The following YPEL1 variants were observed in gnomAD, a reference collection of about 807,000 sequenced individuals.
The protein encoded by YPEL1 is yippee like 1, also known as protein yippee-like 1.
Under a neutral mutation model 17.3 loss-of-function variants are expected in YPEL1, and 7 were observed. The observed-to-expected ratio is 0.40, with a 90% CI of 0.23 to 0.76. The LOEUF (loss-of-function observed/expected upper bound fraction) is 0.76. Ranked by LOEUF, YPEL1 falls within the 30% of genes least tolerant of loss-of-function variation. The probability of loss-of-function intolerance (pLI) is 0.35; values close to 1 mark genes in which losing one functional copy is unlikely to be tolerated. For missense variants in YPEL1, 91 were observed against 155.5 expected (o/e 0.59, Z 2.21); for synonymous variants, 59 against 59.6 (o/e 0.99, Z 0.05).
rs186293326 is a variant in YPEL1, at chr22:21,704,220, G to A, written c.118-338C>T. 498 of 714,444 alleles carry A rather than the reference G, an allele frequency of 7.0e-4. 2 individuals are homozygous for A. The highest frequency in any genetic ancestry group is 5.9e-3 in the East Asian group (218 of 37,228). The allele number at this position is 714,444 out of a possible 1,614,324, so 44.3% of individuals were successfully genotyped here. A position where few individuals can be genotyped will look rare whatever the true frequency, so the allele number is the denominator to read the frequency against. On this transcript the variant is annotated intron_variant, in intron 2 of 4. Coordinates refer to ENST00000339468, the MANE Select transcript of YPEL1 (RefSeq NM_013313.5). ...TAGAGGAGTTCTGAGAGGGGATCAC[G>A]AATGATTTTCTCTACCCGAAAACCC...
Position 21,703,605 on chromosome 22 carries a change from T to C in YPEL1, c.162-127A>G. 2.2e-6 allele frequency: 2 copies of C among 907,124 alleles called. No homozygotes were observed. The highest frequency in any genetic ancestry group is 5.2e-5 in the East Asian group (2 of 38,394). The allele number at this position is 907,124 out of a possible 1,614,324, so 56.2% of individuals were successfully genotyped here. On this transcript the variant is annotated intron_variant, in intron 3 of 4. Transcript: ENST00000339468. The surrounding 1 kb of genome is among the most constrained non-coding windows in gnomAD (Gnocchi z 6.1). ...AAACAGGGAAACTCCCAGAGAGCAG[T>C]GCCGTGCCTCTCCCCCAGCCCTGCC...
intron 1 of YPEL1, among the ~76,000 whole-genome samples, chr22:21,715,954 G>A (rs1348679631): frequency 6.6e-6 from 1 of 152,110 alleles, no homozygotes; most frequent in Non-Finnish European, 1.5e-5. Flanking sequence ...TAAAGACGGG[G>A]TTTCTCCATG....
intron 1 of YPEL1, among the ~76,000 whole-genome samples, chr22:21,722,506 C>T (rs1252507404): frequency 6.6e-6 from 1 of 151,890 alleles, no homozygotes; most frequent in Non-Finnish European, 1.5e-5. Context: ...ATCCCAGCTA[C>T]TTCAGGGGGC....
At chr22:21,725,580 G>T (rs1440581699) in intron 1 of YPEL1, among the ~76,000 whole-genome samples, 1 of 151,920 alleles carries the variant, frequency 6.6e-6, no homozygotes, top group African/African-American at 2.4e-5. Flanking sequence ...AATCTAGATG[G>T]TAGAAAAAAA....
intron 4 of YPEL1, 74 bp from the exon 5 acceptor site, chr22:21,701,292 C>A (rs861816): frequency 0.67 from 645,370 of 964,190 alleles, 220,473 homozygotes; most frequent in South Asian, 0.74. Context: ...TTGGCAAAAA[C>A]CCCCCCCAAG....
chr22:21,715,667 CGCCTCCCGGGTTCAAGTG>C, intron 1 of YPEL1, among the ~76,000 whole-genome samples: 1 of 120,906 alleles, frequency 8.3e-6, no homozygotes, highest in Non-Finnish European at 2.1e-5. Context: ...CTGCAACCTC[CGCCTCCCGGGTTCAAGTG>C]ATTCTCCTGC....
At chr22:21,704,151 C>G (rs1169571683) in intron 2 of YPEL1, 1 of 718,188 alleles carries the variant, frequency 1.4e-6, no homozygotes, top group African/African-American at 1.7e-5. Flanking sequence ...ATGGCAAGAT[C>G]AGTTTTTAAA....
chr22:21,702,080 A>G (rs891851075), intron 4 of YPEL1, among the ~76,000 whole-genome samples: 3 of 152,210 alleles, frequency 2.0e-5, no homozygotes, highest in Admixed American at 2.0e-4. Context: ...GGAGGAGTTA[A>G]CATCTCTCCC....
At chr22:21,717,293 T>A (rs1300512665) in intron 1 of YPEL1, among the ~76,000 whole-genome samples, 1 of 151,598 alleles carries the variant, frequency 6.6e-6, no homozygotes, top group Non-Finnish European at 1.5e-5. Context: ...GGAGAGTTGC[T>A]TGAACCCGGG....
chr22:21,703,295 C>T lies in YPEL1; in HGVS notation c.270+75G>A. The T allele has an allele frequency of 7.6e-7, 1 of 1,310,678 alleles. No individual in the cohort carries two copies. 81.2% of individuals were successfully genotyped at this position (1,310,678 alleles called of 1,614,324 possible). A position where few individuals can be genotyped will look rare whatever the true frequency, so the allele number is the denominator to read the frequency against. ...GTGACTGGTACCATGGGCCACACTG[C>T]ACGGGGAGGTGTGGCTCAGTGGCAA... is the stretch of plus-strand genomic sequence containing the variant. On this transcript the variant is annotated intron_variant, in intron 4 of 4. Coordinates refer to ENST00000339468, the MANE Select transcript of YPEL1 (RefSeq NM_013313.5). This position sits in a 1 kb window ranked among gnomAD's most constrained non-coding sequence, Gnocchi z 6.1.
At chr22:21,708,350 T>A (rs1310559889) in intron 2 of YPEL1, among the ~76,000 whole-genome samples, 10 of 145,902 alleles carry the variant, frequency 6.9e-5, no homozygotes, top group Non-Finnish European at 1.1e-4. Flanking sequence ...TTTTTTTTTT[T>A]TTTGAGACAG....
intron 1 of YPEL1, among the ~76,000 whole-genome samples, chr22:21,733,629 G>A (rs767113426): frequency 6.6e-6 from 1 of 150,706 alleles, no homozygotes; most frequent in Non-Finnish European, 1.5e-5. Flanking sequence ...TCAGAAGGCA[G>A]GTGGATGGCT....
In YPEL1 at chr22:21,700,989, C is replaced by A; in HGVS notation, c.*140G>T. On this transcript the variant is annotated 3_prime_UTR_variant, in exon 5 of 5. Coordinates refer to ENST00000339468, the MANE Select transcript of YPEL1 (RefSeq NM_013313.5). ...GGGACACCTTACCCACAGAGATGGC[C>A]GAGAGTGTCAAGAGCTATGCGCAGC... The A allele has an allele frequency of 1.5e-6, 1 of 646,752 alleles. No homozygotes were observed. Among genetic ancestry groups the A allele is most frequent in the African/African-American group, 1.8e-5 (1 of 55,258 alleles). 40.1% of individuals were successfully genotyped at this position (646,752 alleles called of 1,614,324 possible). A position where few individuals can be genotyped will look rare whatever the true frequency, so the allele number is the denominator to read the frequency against.
Position 21,703,523 on chromosome 22 carries a change from CTGACCAGGCCCT to C in YPEL1, c.162-57_162-46del. 1 of 1,551,688 alleles carries C rather than the reference CTGACCAGGCCCT, an allele frequency of 6.4e-7. No homozygotes were observed. Among genetic ancestry groups the C allele is most frequent in the Non-Finnish European group, 8.8e-7 (1 of 1,135,724 alleles). On this transcript the variant is annotated intron_variant, in intron 3 of 4. Coordinates refer to ENST00000339468, the MANE Select transcript of YPEL1 (RefSeq NM_013313.5). This position sits in a 1 kb window ranked among gnomAD's most constrained non-coding sequence, Gnocchi z 6.1. ...ACTGCGCTGCAGGCCCGGCCCGCCC[CTGACCAGGCCCT>C]GCCCCCTCAGCGGGCCCCACCCCAT...
At chr22:21,713,064 C>T (rs1312395538) in intron 1 of YPEL1, among the ~76,000 whole-genome samples, 1 of 152,154 alleles carries the variant, frequency 6.6e-6, no homozygotes, top group African/African-American at 2.4e-5. Context: ...GTTGAGACAC[C>T]ACCACACACC....
At chr22:21,720,892 C>T (rs113351829) in intron 1 of YPEL1, among the ~76,000 whole-genome samples, 5,171 of 147,600 alleles carry the variant, frequency 0.035, 149 homozygotes, top group Middle Eastern at 0.11. Flanking sequence ...TACTGCAAAC[C>T]CTGCCTTCTG....
chr22:21,711,570 C>A (rs750891221), intron 1 of YPEL1, among the ~76,000 whole-genome samples: 1 of 152,086 alleles, frequency 6.6e-6, no homozygotes, highest in Admixed American at 6.6e-5. Flanking sequence ...TGAAATAAAC[C>A]CTTATGTATG....
chr22:21,721,681 T>C (rs1201692106), intron 1 of YPEL1, among the ~76,000 whole-genome samples: 5 of 151,964 alleles, frequency 3.3e-5, no homozygotes, highest in Non-Finnish European at 7.4e-5. Flanking sequence ...GCTTTGGCCT[T>C]CCAAAGGGCT....
At chr22:21,732,003 C>T (rs1466142042) in intron 1 of YPEL1, among the ~76,000 whole-genome samples, 1 of 152,202 alleles carries the variant, frequency 6.6e-6, no homozygotes, top group Non-Finnish European at 1.5e-5. Context: ...CGGCCCAAGG[C>T]CCTGCAGGTG....
Sources: gnomAD v4.1 joint callset for allele counts (sites outside exome capture counted in the v4.1 genomes callset) on GRCh38, gnomAD v4.1.1 for gene constraint, Gnocchi (gnomAD v3.1) non-coding constraint, MANE v1.5 for transcripts, NCBI Gene and HGNC (gene_info 2026-07-23, HGNC 2026-07-21) for gene names.